The following KCNB2 variants were observed in gnomAD, a reference collection of about 807,000 sequenced individuals.
KCNB2 encodes the protein delayed rectifier potassium channel protein.
KCNB2 carries 15 observed loss-of-function variants against 61.5 expected under a neutral mutation model. That is an observed-to-expected ratio of 0.24 (90% CI 0.16 to 0.38). The LOEUF is 0.38. KCNB2 is among the 10% of genes least tolerant of loss of function. The probability of loss-of-function intolerance (pLI) is 1.00; values close to 1 mark genes in which losing one functional copy is unlikely to be tolerated. For missense variants in KCNB2, 828 were observed against 1,125.2 expected (o/e 0.74, Z 3.78); for synonymous variants, 457 against 446.0 (o/e 1.02, Z -0.31).
chr8:72,722,663 A>G (rs756271878), intron 2 of KCNB2, among the ~76,000 whole-genome samples: 2 of 152,246 alleles, frequency 1.3e-5, no homozygotes, highest in African/African-American at 2.4e-5. Context: ...GATTAAATAA[A>G]TGGACAAAAT....
intron 2 of KCNB2, among the ~76,000 whole-genome samples, chr8:72,682,694 A>G (rs1048580509): frequency 1.3e-5 from 2 of 152,136 alleles, no homozygotes; most frequent in African/African-American, 4.8e-5. Flanking sequence ...CCTGGGCTCA[A>G]ACAATCCTCC....
chr8:72,831,784 TTGTC>T (rs1186754394), intron 2 of KCNB2, among the ~76,000 whole-genome samples: 2 of 152,224 alleles, frequency 1.3e-5, no homozygotes, highest in Non-Finnish European at 2.9e-5. Flanking sequence ...GTTCAATACT[TTGTC>T]TGAGAAAAGA....
At chr8:72,564,317 GAGTT>G (rs1272607379) in intron 1 of KCNB2, among the ~76,000 whole-genome samples, 1 of 152,036 alleles carries the variant, frequency 6.6e-6, no homozygotes, top group Non-Finnish European at 1.5e-5. Context: ...TGTCATTCTG[GAGTT>G]AGTTCTCTTC....
chr8:72,681,561 G>A (rs1256088698), intron 2 of KCNB2, among the ~76,000 whole-genome samples: 1 of 151,808 alleles, frequency 6.6e-6, no homozygotes. Flanking sequence ...CCTGCCTGAG[G>A]GTGTTTTACA....
intron 2 of KCNB2, among the ~76,000 whole-genome samples, chr8:72,607,207 C>A (rs1805463952): frequency 6.6e-6 from 1 of 152,016 alleles, no homozygotes; most frequent in Non-Finnish European, 1.5e-5. Flanking sequence ...ATATCAAAGG[C>A]AACCAGAGGA....
chr8:72,722,931 A>G (rs1807575184), intron 2 of KCNB2, among the ~76,000 whole-genome samples: 1 of 152,186 alleles, frequency 6.6e-6, no homozygotes, highest in Non-Finnish European at 1.5e-5. Context: ...AGAAAACCTC[A>G]TCATTAGAAA....
intron 2 of KCNB2, among the ~76,000 whole-genome samples, chr8:72,720,036 G>C (rs974414089): frequency 6.6e-6 from 1 of 152,144 alleles, no homozygotes; most frequent in Non-Finnish European, 1.5e-5. Flanking sequence ...TAATGACCAA[G>C]CCTGGGCTAA....
chr8:72,706,804 A>G (rs1807232976), intron 2 of KCNB2, among the ~76,000 whole-genome samples: 1 of 152,228 alleles, frequency 6.6e-6, no homozygotes, highest in Admixed American at 6.5e-5. Context: ...TTATTGCTTT[A>G]AATCACATAC....
intron 2 of KCNB2, among the ~76,000 whole-genome samples, chr8:72,728,037 T>C (rs1807681206): frequency 6.6e-6 from 1 of 152,196 alleles, no homozygotes; most frequent in Non-Finnish European, 1.5e-5. Flanking sequence ...GAAAACAGCA[T>C]GCAGTCTCCT....
intron 2 of KCNB2, among the ~76,000 whole-genome samples, chr8:72,692,956 A>AGTTTT (rs947489872): frequency 1.4e-4 from 22 of 152,040 alleles, no homozygotes; most frequent in Middle Eastern, 3.4e-3. Context: ...GAGTCTCATG[A>AGTTTT]GTTTTGTTTT....
chr8:72,540,006 C>T (rs901425091), intron 1 of KCNB2, among the ~76,000 whole-genome samples: 2 of 152,122 alleles, frequency 1.3e-5, no homozygotes, highest in African/African-American at 4.8e-5. Context: ...TGTGTCTGTC[C>T]ACGTGTTTTA....
At chr8:72,902,399 G>C (rs1468261432) in intron 2 of KCNB2, among the ~76,000 whole-genome samples, 1 of 152,140 alleles carries the variant, frequency 6.6e-6, no homozygotes, top group Non-Finnish European at 1.5e-5. Context: ...TGAGATTTCA[G>C]ATCTGGAGTA....
rs575870013 is a variant in KCNB2, at chr8:72,649,316, T to C, written c.579+81003T>C. On this transcript the variant is annotated intron_variant, in intron 2 of 2. Coordinates refer to ENST00000523207, the MANE Select transcript of KCNB2 (RefSeq NM_004770.3). Reference sequence around the variant, plus strand: ...GTGACAGATACTAGAACACCTCCCATTCACTTAAAGGATTCAATATCAGTC... The same window carrying C: ...GTGACAGATACTAGAACACCTCCCACTCACTTAAAGGATTCAATATCAGTC... Among the ~76,000 whole-genome samples, 88 of 152,278 alleles carry C rather than the reference T, an allele frequency of 5.8e-4. 1 individual carries two copies. Among genetic ancestry groups the C allele is most frequent in the South Asian group, 2.9e-3 (14 of 4,826 alleles).
intron 2 of KCNB2, among the ~76,000 whole-genome samples, chr8:72,644,981 AG>A (rs1348306560): frequency 6.6e-6 from 1 of 152,214 alleles, no homozygotes; most frequent in African/African-American, 2.4e-5. Context: ...AGAATGCCCC[AG>A]ATTGTAGTAG....
At chr8:72,793,260 A>T (rs957340007) in intron 2 of KCNB2, among the ~76,000 whole-genome samples, 2 of 152,228 alleles carry the variant, frequency 1.3e-5, no homozygotes, top group African/African-American at 4.8e-5. Flanking sequence ...TTAATGAACC[A>T]GAAAAAAACT....
At chr8:72,691,551 A>G (rs1258750232) in intron 2 of KCNB2, among the ~76,000 whole-genome samples, 5 of 152,190 alleles carry the variant, frequency 3.3e-5, no homozygotes, top group Non-Finnish European at 7.3e-5. Context: ...TGCAGGTGCC[A>G]CATGTTAAGT....
chr8:72,653,636 T>A (rs1806245248), intron 2 of KCNB2, among the ~76,000 whole-genome samples: 1 of 152,156 alleles, frequency 6.6e-6, no homozygotes, highest in Non-Finnish European at 1.5e-5. Flanking sequence ...CTGCCGCTTG[T>A]TTCTATGAAG....
intron 2 of KCNB2, among the ~76,000 whole-genome samples, chr8:72,764,017 A>G (rs1585879437): frequency 6.6e-6 from 1 of 152,170 alleles, no homozygotes. Flanking sequence ...TCTCCATGCC[A>G]GGAGTCCCAT....
intron 2 of KCNB2, among the ~76,000 whole-genome samples, chr8:72,872,689 C>A (rs1280291496): frequency 6.6e-6 from 1 of 152,154 alleles, no homozygotes; most frequent in Non-Finnish European, 1.5e-5. Flanking sequence ...CAGAAATGCA[C>A]CTTTCTATAA....
Sources: allele counts gnomAD v4.1 joint callset (sites outside exome capture counted in the v4.1 genomes callset), GRCh38; gene constraint gnomAD v4.1.1; transcripts MANE v1.5; gene names NCBI Gene and HGNC (gene_info 2026-07-23, HGNC 2026-07-21).